NAALADL2: variants seen among roughly 807,000 people sequenced by gnomAD.
NAALADL2 encodes the protein N-acetylated alpha-linked acidic dipeptidase like 2.
Under a neutral mutation model 87.2 loss-of-function variants are expected in NAALADL2, and 76 were observed. The observed-to-expected ratio is 0.87, with a 90% CI of 0.72 to 1.05. The LOEUF is 1.05. Ranked by LOEUF, NAALADL2 falls within the 50% of genes least tolerant of loss-of-function variation. The pLI, the probability that NAALADL2 is intolerant of heterozygous loss-of-function variation, is 0.00. For missense variants in NAALADL2, 1,089 were observed against 945.8 expected, an observed-to-expected ratio of 1.15 and a Z score of -1.99; for synonymous variants, 354 against 331.0, an observed-to-expected ratio of 1.07 and a Z score of -0.75.
intron 2 of NAALADL2, among the ~76,000 whole-genome samples, chr3:174,670,639 A>C (rs1459158381): frequency 6.6e-6 from 1 of 152,056 alleles, no homozygotes; most frequent in African/African-American, 2.4e-5. Flanking sequence ...AAGTCTTTTC[A>C]ATCTTGATTT....
intron 5 of NAALADL2, among the ~76,000 whole-genome samples, chr3:175,378,359 T>A (rs1767408262): frequency 6.6e-6 from 1 of 152,200 alleles, no homozygotes; most frequent in Admixed American, 6.5e-5. Flanking sequence ...GTGGGCTGAG[T>A]AAACTAGGCA....
At chr3:175,506,505 T>A (rs1730341022) in intron 9 of NAALADL2, among the ~76,000 whole-genome samples, 1 of 152,244 alleles carries the variant, frequency 6.6e-6, no homozygotes, top group Non-Finnish European at 1.5e-5. Context: ...ATACACTTGC[T>A]GTGAAAAATC....
At chr3:175,283,174 T>G (rs1754533457) in intron 4 of NAALADL2, among the ~76,000 whole-genome samples, 2 of 152,126 alleles carry the variant, frequency 1.3e-5, no homozygotes, top group South Asian at 4.1e-4. Context: ...CTATGTGCAT[T>G]AATATTTTAA....
chr3:174,716,373 G>GGCTA (rs1331161570), intron 2 of NAALADL2, among the ~76,000 whole-genome samples: 1 of 151,846 alleles, frequency 6.6e-6, no homozygotes, highest in Non-Finnish European at 1.5e-5. Context: ...CACCAAAGAG[G>GGCTA]GCTAGTCTCA....
At chr3:174,749,137 C>T (rs1002992883) in intron 3 of NAALADL2, among the ~76,000 whole-genome samples, 1 of 152,154 alleles carries the variant, frequency 6.6e-6, no homozygotes, top group African/African-American at 2.4e-5. Context: ...TCCCAATTTT[C>T]TCTCTGCCTA....
chr3:175,731,627 G>T (rs759485822), intron 11 of NAALADL2, among the ~76,000 whole-genome samples: 2 of 152,174 alleles, frequency 1.3e-5, no homozygotes, highest in Non-Finnish European at 2.9e-5. Flanking sequence ...ATGACAAGGA[G>T]TATACAAATC....
chr3:175,465,251 CAAAA>C (rs563877269), intron 7 of NAALADL2, among the ~76,000 whole-genome samples: 1 of 84,244 alleles, frequency 1.2e-5, no homozygotes. Context: ...GACTCTATCT[CAAAA>C]AAAAAAAAAA....
At chr3:175,267,013 T>A (rs1188886978) in intron 4 of NAALADL2, among the ~76,000 whole-genome samples, 3 of 146,000 alleles carry the variant, frequency 2.1e-5, no homozygotes, top group African/African-American at 7.6e-5. Context: ...CAAAGCTTTC[T>A]TAGCTTTAGA....
At chr3:175,308,437 C>A (rs894711760) in intron 4 of NAALADL2, among the ~76,000 whole-genome samples, 1 of 152,122 alleles carries the variant, frequency 6.6e-6, no homozygotes, top group Admixed American at 6.6e-5. Flanking sequence ...TAGGGGGTTG[C>A]GTGGCAGGGG....
intron 4 of NAALADL2, among the ~76,000 whole-genome samples, chr3:175,258,325 A>AAAG (rs1750424412): frequency 1.2e-5 from 1 of 85,210 alleles, no homozygotes; most frequent in African/African-American, 6.0e-5. Flanking sequence ...CCCCACCACC[A>AAAG]AAAAAAAAAA....
intron 3 of NAALADL2, among the ~76,000 whole-genome samples, chr3:174,839,860 C>T (rs1054516950): frequency 1.1e-4 from 16 of 151,482 alleles, no homozygotes; most frequent in African/African-American, 3.1e-4. Context: ...AATAGTTGTT[C>T]GCATGGATGC....
rs559353314 is a variant in NAALADL2, at chr3:175,781,688, A to AAATT, written c.2190-21314_2190-21311dup. 2.0e-4 allele frequency among the ~76,000 whole-genome samples: 30 copies of AAATT among 152,050 alleles called. No individual in the cohort carries two copies. In the East Asian group the frequency reaches 5.6e-3, roughly 28 times the overall value. On this transcript the variant is annotated intron_variant, in intron 13 of 13. Coordinates refer to ENST00000454872, the MANE Select transcript of NAALADL2 (RefSeq NM_207015.3). ...AAAAAAAAGTTTAAAAGGTAAAAAAAAATTAACATAACGCTTTTATTTTTT... is the reference window on the plus strand; with the variant it reads ...AAAAAAAAGTTTAAAAGGTAAAAAAAAATTAATTAACATAACGCTTTTATTTTTT...
intron 1 of NAALADL2, among the ~76,000 whole-genome samples, chr3:175,074,072 A>T (rs971513087): frequency 3.3e-5 from 5 of 151,864 alleles, no homozygotes; most frequent in Non-Finnish European, 7.4e-5. Context: ...GCTTTTTTTT[A>T]CTGTTCTACT....
chr3:174,576,358 T>C (rs1219039587), intron 2 of NAALADL2, among the ~76,000 whole-genome samples: 3 of 152,190 alleles, frequency 2.0e-5, no homozygotes, highest in African/African-American at 7.2e-5. Flanking sequence ...TATGTAGATA[T>C]ACTTTTGGGT....
intron 3 of NAALADL2, among the ~76,000 whole-genome samples, chr3:174,757,898 G>A (rs1041305358): frequency 2.6e-5 from 4 of 152,178 alleles, no homozygotes; most frequent in Non-Finnish European, 5.9e-5. Flanking sequence ...CTTAGTGAAT[G>A]AATGAATAAA....
At chr3:175,470,139 T>C (rs2149288230) in intron 8 of NAALADL2, among the ~76,000 whole-genome samples, 1 of 152,198 alleles carries the variant, frequency 6.6e-6, no homozygotes, top group African/African-American at 2.4e-5. Context: ...GAGATAAGTT[T>C]CTTGTTTTTC....
rs114303685 is a variant in NAALADL2, at chr3:175,537,617, A to G, written c.1654-38424A>G. 7.2e-3 allele frequency among the ~76,000 whole-genome samples: 1,097 copies of G among 152,300 alleles called. 15 individuals are homozygous for G. Among genetic ancestry groups the G allele is most frequent in the African/African-American group, 0.025 (1,048 of 41,570 alleles). ...ACTAATTTAAGATACAGATTCAGTG[A>G]AAGTAACATACCTTAGAGAACCCTC... is the stretch of plus-strand genomic sequence containing the variant. On this transcript the variant is annotated intron_variant, in intron 9 of 13. Coordinates refer to ENST00000454872, the MANE Select transcript of NAALADL2 (RefSeq NM_207015.3).
intron 2 of NAALADL2, among the ~76,000 whole-genome samples, chr3:174,619,629 C>G (rs912570672): frequency 1.4e-4 from 22 of 151,934 alleles, no homozygotes; most frequent in Non-Finnish European, 7.4e-5. Context: ...TGGCAAATTT[C>G]AGTAACACTT....
intron 1 of NAALADL2, among the ~76,000 whole-genome samples, chr3:174,482,625 T>G (rs1388954629): frequency 6.6e-6 from 1 of 152,026 alleles, no homozygotes; most frequent in Non-Finnish European, 1.5e-5. Flanking sequence ...AAAACTGGAT[T>G]TAAAGTCTTG....
Sources: gnomAD v4.1 joint callset for allele counts (sites outside exome capture counted in the v4.1 genomes callset) on GRCh38, gnomAD v4.1.1 for gene constraint, MANE v1.5 for transcripts, NCBI Gene and HGNC (gene_info 2026-07-23, HGNC 2026-07-21) for gene names.